GRIP1: variants seen among roughly 807,000 people sequenced by gnomAD.
GRIP1 encodes glutamate receptor interacting protein 1.
In GRIP1, 45 loss-of-function variants were observed where a neutral mutation model predicts 129.9. That is an observed-to-expected ratio of 0.35 (90% CI 0.27 to 0.44). The LOEUF (loss-of-function observed/expected upper bound fraction) is 0.44. GRIP1 is among the 20% of genes least tolerant of loss of function. The pLI is 1.00. For synonymous variants in GRIP1, 530 were observed against 520.8 expected (o/e 1.02, Z -0.24); for missense variants, 1,196 against 1,396.8 (o/e 0.86, Z 2.29).
At position 66,830,867 on chromosome 12, in the gene GRIP1, A is replaced by G. The variant is rs575682587; in HGVS notation, c.59-233940T>C. Among the ~76,000 whole-genome samples, 3 of 146,466 alleles carry G rather than the reference A, an allele frequency of 2.0e-5. No homozygotes were observed. In the East Asian group the frequency reaches 6.0e-4, roughly 29 times the overall value. ...TTTTTTTCTGTTTTGATTTTGTGAG[A>G]CAGGGTCTCACTCTCTCACCCCAGG... On this transcript the variant is annotated intron_variant, in intron 1 of 1. Transcript: ENST00000643019.
chr12:66,393,169 A>ATTTTTT (rs60982107), intron 17 of GRIP1, among the ~76,000 whole-genome samples: 3 of 78,882 alleles, frequency 3.8e-5, no homozygotes, highest in East Asian at 4.4e-4. Context: ...CTTTCTACAG[A>ATTTTTT]TTTTTTTTTT....
chr12:66,717,288 A>G (rs1304821641), intron 1 of GRIP1, among the ~76,000 whole-genome samples: 1 of 152,134 alleles, frequency 6.6e-6, no homozygotes, highest in Admixed American at 6.6e-5. Flanking sequence ...AATTTTAAAG[A>G]AAATGCTTGC....
At chr12:66,872,688 A>T (rs2040316693) in intron 1 of GRIP1, among the ~76,000 whole-genome samples, 1 of 151,964 alleles carries the variant, frequency 6.6e-6, no homozygotes, top group Non-Finnish European at 1.5e-5. Flanking sequence ...TATTCTCTAA[A>T]TTTTTCAATA....
chr12:66,886,792 C>A (rs1231749404), intron 1 of GRIP1, among the ~76,000 whole-genome samples: 1 of 152,122 alleles, frequency 6.6e-6, no homozygotes, highest in Non-Finnish European at 1.5e-5. Context: ...CTAACAAATA[C>A]CTTATTTGAT....
chr12:66,833,971 A>C (rs934090609), intron 1 of GRIP1, among the ~76,000 whole-genome samples: 17 of 152,238 alleles, frequency 1.1e-4, no homozygotes, highest in African/African-American at 4.1e-4. Flanking sequence ...GGAGTTTGAG[A>C]CCAGGCTGAC....
At chr12:66,644,604 C>A (rs142735566) in intron 1 of GRIP1, among the ~76,000 whole-genome samples, 1 of 152,112 alleles carries the variant, frequency 6.6e-6, no homozygotes, top group East Asian at 1.9e-4. Context: ...ACTCATACAC[C>A]ACTTTCACAC....
intron 1 of GRIP1, among the ~76,000 whole-genome samples, chr12:66,665,740 A>G (rs1338035578): frequency 6.6e-6 from 1 of 152,194 alleles, no homozygotes; most frequent in African/African-American, 2.4e-5. Context: ...CCATTCTTGT[A>G]CAAGTCTTTT....
Position 66,719,825 on chromosome 12 carries a change from G to A in GRIP1, c.-420+84228C>T, listed in dbSNP as rs1040334552. Among the ~76,000 whole-genome samples, 7 of 152,080 alleles carry A rather than the reference G, an allele frequency of 4.6e-5. No homozygotes were observed. The East Asian group carries it at 1.2e-3, about 25-fold the overall frequency. ...TCGGGCTTATGTACAATTTATAGAC[G>A]GACAAAGGTTAAAGAGTGGAGGAAA... On this transcript the variant is annotated intron_variant, in intron 1 of 4. Transcript: ENST00000538373.
chr12:66,464,711 G>A (rs1449274653), intron 8 of GRIP1, among the ~76,000 whole-genome samples: 1 of 152,038 alleles, frequency 6.6e-6, no homozygotes, highest in African/African-American at 2.4e-5. Context: ...CAAACATCTG[G>A]ATGACGTGAA....
At chr12:66,632,746 A>G (rs1016963821) in intron 1 of GRIP1, among the ~76,000 whole-genome samples, 21 of 152,222 alleles carry the variant, frequency 1.4e-4, no homozygotes, top group African/African-American at 5.1e-4. Context: ...TACAATTTTG[A>G]GGGATTTCAA....
At position 66,355,549 on chromosome 12, in the gene GRIP1, C is replaced by T. The variant is rs146665949; in HGVS notation, c.3013-1986G>A. ...TGTGTAGCCTAGTGACACCAGCACC[C>T]CCACACCGGCCCCACCACCCACCGC... On this transcript the variant is annotated intron_variant, in intron 23 of 24. Coordinates refer to ENST00000359742, the MANE Select transcript of GRIP1 (RefSeq NM_001366722.1). Among the ~76,000 whole-genome samples the T allele has an allele frequency of 5.1e-4, 78 of 152,190 alleles. No homozygotes were observed. The East Asian group carries it at 0.013, about 25-fold the overall frequency.
chr12:66,785,580 T>C (rs1428148905), intron 1 of GRIP1, among the ~76,000 whole-genome samples: 1 of 151,862 alleles, frequency 6.6e-6, no homozygotes, highest in African/African-American at 2.4e-5. Context: ...CATATCAAAA[T>C]GTGTCCTTTT....
intron 1 of GRIP1, among the ~76,000 whole-genome samples, chr12:66,777,763 A>G (rs1260264796): frequency 6.6e-6 from 1 of 152,246 alleles, no homozygotes; most frequent in Non-Finnish European, 1.5e-5. Flanking sequence ...ACCTGAGTAC[A>G]GAATAACTCC....
chr12:66,735,936 G>A (rs182796354), intron 1 of GRIP1, among the ~76,000 whole-genome samples: 219 of 152,140 alleles, frequency 1.4e-3, no homozygotes, highest in African/African-American at 5.1e-3. Flanking sequence ...ATGGCCCTTG[G>A]GATATCATGC....
At chr12:66,613,201 G>A (rs1162764015) in intron 1 of GRIP1, among the ~76,000 whole-genome samples, 2 of 152,112 alleles carry the variant, frequency 1.3e-5, no homozygotes, top group Non-Finnish European at 2.9e-5. Context: ...ATAGCACGAG[G>A]ATATCATTTA....
chr12:66,719,802 G>C (rs775461536), intron 1 of GRIP1, among the ~76,000 whole-genome samples: 2 of 152,102 alleles, frequency 1.3e-5, no homozygotes, highest in African/African-American at 2.4e-5. Flanking sequence ...TGGAATGTTC[G>C]GGCTTATGTA....
chr12:66,799,282 G>A (rs985445643), intron 1 of GRIP1, among the ~76,000 whole-genome samples: 1 of 152,096 alleles, frequency 6.6e-6, no homozygotes, highest in African/African-American at 2.4e-5. Context: ...ATATACTATA[G>A]ATGGAAAGCA....
chr12:66,918,312 G>T (rs1220602203), intron 1 of GRIP1, among the ~76,000 whole-genome samples: 2 of 152,032 alleles, frequency 1.3e-5, no homozygotes, highest in African/African-American at 4.8e-5. Context: ...TATTTCAGAA[G>T]AGTCAACCTT....
intron 1 of GRIP1, among the ~76,000 whole-genome samples, chr12:66,789,596 A>G (rs1384465671): frequency 6.6e-6 from 1 of 150,978 alleles, no homozygotes; most frequent in East Asian, 1.9e-4. Context: ...ATAATGGTCC[A>G]TAATTAATTT....
Sources: allele counts gnomAD v4.1 joint callset (sites outside exome capture counted in the v4.1 genomes callset), GRCh38; gene constraint gnomAD v4.1.1; transcripts MANE v1.5; gene names NCBI Gene and HGNC (gene_info 2026-07-23, HGNC 2026-07-21).